The following DLC1 variants were observed in gnomAD, a reference collection of about 807,000 sequenced individuals.
DLC1 encodes DLC1 Rho GTPase activating protein.
In DLC1, 54 loss-of-function variants were observed where a neutral mutation model predicts 140.3. That is an observed-to-expected ratio of 0.38 (90% CI 0.31 to 0.48). DLC1 has a LOEUF of 0.48. Among genes scored for constraint, DLC1 ranks in the 20% least tolerant of loss-of-function variants. The pLI is 0.96. For synonymous variants in DLC1, 986 were observed against 728.1 expected (o/e 1.35, Z -5.70); for missense variants, 2,536 against 1,907.0 (o/e 1.33, Z -6.14).
chr8:13,331,655 C>T (rs1234423058), intron 4 of DLC1, among the ~76,000 whole-genome samples: 3 of 151,696 alleles, frequency 2.0e-5, no homozygotes, highest in Admixed American at 2.0e-4. Context: ...AAGAAACCCC[C>T]AACTAACCCA....
intron 1 of DLC1, among the ~76,000 whole-genome samples, chr8:13,529,475 C>T (rs1488014493): frequency 2.0e-5 from 3 of 152,064 alleles, no homozygotes; most frequent in Non-Finnish European, 4.4e-5. Context: ...CCAGTTGATC[C>T]AAAAATTATA....
Position 13,085,956 on chromosome 8 carries a change from T to A in DLC1, c.4467-25A>T, listed in dbSNP as rs757065516. 1.4e-5 allele frequency: 22 copies of A among 1,609,568 alleles called. No homozygotes were observed. In the Admixed American group the frequency reaches 3.6e-4, roughly 26 times the overall value. On this transcript the variant is annotated intron_variant, in intron 17 of 17. Transcript: ENST00000276297. ...CCTATCAGAGAAAAGAAAGAAAAGCTGATGAATTATTTAAGTTAGAAAGCA... is the reference window on the plus strand; with the variant it reads ...CCTATCAGAGAAAAGAAAGAAAAGCAGATGAATTATTTAAGTTAGAAAGCA...
upstream of DLC1, among the ~76,000 whole-genome samples, chr8:13,519,272 C>A (rs1005253939): frequency 6.6e-5 from 10 of 152,026 alleles, no homozygotes; most frequent in Non-Finnish European, 1.2e-4. Flanking sequence ...GGACTACTGG[C>A]ACCCGCCACC....
At chr8:13,602,546 T>C (rs970690432) in intron 1 of DLC1, among the ~76,000 whole-genome samples, 1 of 151,758 alleles carries the variant, frequency 6.6e-6, no homozygotes, top group Non-Finnish European at 1.5e-5. Flanking sequence ...TCAAAATACA[T>C]GGAAATTAGG....
Position 13,593,673 on chromosome 8 carries a change from T to C in DLC1, c.-126+10864A>G, listed in dbSNP as rs78774737. On this transcript the variant is annotated intron_variant, in intron 1 of 1. Coordinates refer to the DLC1 transcript ENST00000631382. ...GGAACCCCGCCCGATTCATACAGAA[T>C]TGGTACCTAAAAGTGGGTTACTATG... Among the ~76,000 whole-genome samples, 29 of 152,210 alleles carry C rather than the reference T, an allele frequency of 1.9e-4. No homozygotes were observed. In the East Asian group the frequency reaches 5.6e-3, roughly 29 times the overall value.
chr8:13,339,718 G>T (rs1833955539), intron 4 of DLC1: 1 of 152,074 alleles, frequency 6.6e-6, no homozygotes, highest in South Asian at 2.1e-4. Context: ...ATAATCCCTA[G>T]CTTTCATAAA....
chr8:13,457,206 C>G (rs1383637747), intron 2 of DLC1, among the ~76,000 whole-genome samples: 1 of 152,058 alleles, frequency 6.6e-6, no homozygotes, highest in Admixed American at 6.6e-5. Context: ...CAAATGTCTA[C>G]TGAATGGAAG....
chr8:13,451,894 G>T (rs1799077560), intron 2 of DLC1, among the ~76,000 whole-genome samples: 2 of 152,158 alleles, frequency 1.3e-5, no homozygotes, highest in African/African-American at 2.4e-5. Flanking sequence ...CCAGCAGTAG[G>T]ATTGCTGGAT....
chr8:13,580,712 T>G (rs145384309), intron 1 of DLC1, among the ~76,000 whole-genome samples: 2 of 152,300 alleles, frequency 1.3e-5, no homozygotes, highest in African/African-American at 4.8e-5. Context: ...GTTTCAAACT[T>G]TTAAGATCCT....
intron 3 of DLC1, among the ~76,000 whole-genome samples, chr8:13,396,022 T>C (rs761656745): frequency 1.3e-5 from 2 of 151,954 alleles, no homozygotes; most frequent in Non-Finnish European, 2.9e-5. Flanking sequence ...ATTTGACCTT[T>C]AGGTATATCA....
intron 5 of DLC1, among the ~76,000 whole-genome samples, chr8:13,253,296 C>T (rs1830085690): frequency 6.6e-6 from 1 of 152,226 alleles, no homozygotes; most frequent in African/African-American, 2.4e-5. Context: ...ATTTTCTTTG[C>T]TTCTTGCACA....
rs1235953351 is a variant in DLC1, at chr8:13,251,492, T to TAATTTTAGTTTTTATTC, written c.1348+53776_1348+53777insGAATAAAAACTAAAATT. ...GTCTGTAAAAATTATATATTTTATT[T>TAATTTTAGTTTTTATTC]ATAATTTTAGTTTTTATTCTGGCAA... is the stretch of plus-strand genomic sequence containing the variant. On this transcript the variant is annotated intron_variant, in intron 5 of 17. Transcript: ENST00000276297. 5.3e-5 allele frequency among the ~76,000 whole-genome samples: 8 copies of TAATTTTAGTTTTTATTC among 152,276 alleles called. No individual in the cohort carries two copies. In the East Asian group the frequency reaches 1.5e-3, roughly 29 times the overall value.
chr8:13,546,717 G>T (rs1803659640), intron 1 of DLC1, among the ~76,000 whole-genome samples: 1 of 152,132 alleles, frequency 6.6e-6, no homozygotes, highest in African/African-American at 2.4e-5. Context: ...GACAGGCCAT[G>T]CTTGCAACAA....
At chr8:13,176,327 C>G (rs1369010486) in intron 5 of DLC1, among the ~76,000 whole-genome samples, 2 of 152,074 alleles carry the variant, frequency 1.3e-5, no homozygotes, top group South Asian at 2.1e-4. Flanking sequence ...TCCTGTAATC[C>G]CAGCACTTTG....
intron 5 of DLC1, among the ~76,000 whole-genome samples, chr8:13,191,906 T>C (rs1440154770): frequency 6.7e-6 from 1 of 150,046 alleles, no homozygotes; most frequent in Admixed American, 6.7e-5. Context: ...ATTAAAACTC[T>C]GCTTTAAGGG....
chr8:13,319,302 C>A (rs76875829), intron 4 of DLC1, among the ~76,000 whole-genome samples: 11,356 of 152,218 alleles, frequency 0.075, 494 homozygotes, highest in South Asian at 0.098. Flanking sequence ...GCCTCCGTTC[C>A]CTGCCCCGCC....
At chr8:13,470,132 G>C (rs1463493782) in intron 2 of DLC1, among the ~76,000 whole-genome samples, 1 of 151,904 alleles carries the variant, frequency 6.6e-6, no homozygotes, top group Non-Finnish European at 1.5e-5. Context: ...TAAAACTTTT[G>C]AATAAAATAA....
At chr8:13,471,954 C>G (rs1407009549) in intron 2 of DLC1, among the ~76,000 whole-genome samples, 2 of 152,266 alleles carry the variant, frequency 1.3e-5, no homozygotes, top group Non-Finnish European at 1.5e-5. Flanking sequence ...ACAAAAATCC[C>G]AAAAGTTTCT....
intron 5 of DLC1, among the ~76,000 whole-genome samples, chr8:13,271,165 C>T (rs891637): frequency 0.63 from 96,429 of 152,086 alleles, 30,936 homozygotes; most frequent in East Asian, 0.92. Flanking sequence ...CAATATCTCA[C>T]GAAGCTTCCC....
Sources: gnomAD v4.1 joint callset for allele counts (sites outside exome capture counted in the v4.1 genomes callset) on GRCh38, gnomAD v4.1.1 for gene constraint, MANE v1.5 for transcripts, NCBI Gene and HGNC (gene_info 2026-07-23, HGNC 2026-07-21) for gene names.